The following RBMS3 variants were observed in gnomAD, a reference collection of about 807,000 sequenced individuals.
RBMS3 encodes RNA binding motif single stranded interacting protein 3.
RBMS3 carries 27 observed loss-of-function variants against 66.8 expected under a neutral mutation model. The ratio of observed to expected loss-of-function variants is 0.40; its 90% CI spans 0.30 to 0.56. The LOEUF (loss-of-function observed/expected upper bound fraction) is 0.56, where lower values mean the gene tolerates loss of function less well. RBMS3 is among the 20% of genes least tolerant of loss of function. The pLI, the probability that RBMS3 is intolerant of heterozygous loss-of-function variation, is 0.40. For synonymous variants in RBMS3, 188 were observed against 183.0 expected (o/e 1.03, Z -0.22); for missense variants, 513 against 549.5 (o/e 0.93, Z 0.66).
intron 4 of RBMS3, among the ~76,000 whole-genome samples, chr3:29,612,130 A>T (rs575572374): frequency 1.4e-4 from 21 of 152,192 alleles, no homozygotes; most frequent in South Asian, 2.1e-4. Context: ...ACTTTACTGA[A>T]GAAGTATTCG....
chr3:29,510,058 T>C (rs1024653052), intron 3 of RBMS3, among the ~76,000 whole-genome samples: 6 of 152,230 alleles, frequency 3.9e-5, no homozygotes, highest in African/African-American at 1.4e-4. Context: ...ATCACAGAGA[T>C]GGAATAAGCA....
intron 4 of RBMS3, among the ~76,000 whole-genome samples, chr3:29,696,408 C>T (rs9845533): frequency 0.011 from 1,609 of 150,482 alleles, 18 homozygotes; most frequent in Middle Eastern, 0.034. Flanking sequence ...TAATTAAAAA[C>T]GATCATTTGT....
intron 4 of RBMS3, among the ~76,000 whole-genome samples, chr3:29,637,018 A>G (rs1275105270): frequency 2.0e-5 from 3 of 151,896 alleles, no homozygotes; most frequent in African/African-American, 7.2e-5. Context: ...TATTAGCAGC[A>G]TGGAAGCTCC....
chr3:29,905,788 G>T (rs1359269105), intron 10 of RBMS3, among the ~76,000 whole-genome samples: 1 of 152,068 alleles, frequency 6.6e-6, no homozygotes, highest in Non-Finnish European at 1.5e-5. Context: ...AATATTTTAA[G>T]AAAGATCGTG....
chr3:29,326,861 G>C (rs925813845), intron 1 of RBMS3, among the ~76,000 whole-genome samples: 1 of 151,720 alleles, frequency 6.6e-6, no homozygotes, highest in African/African-American at 2.4e-5. Context: ...CTCACAAGTA[G>C]CTGGGACTAC....
chr3:29,381,721 G>T (rs927468632), intron 1 of RBMS3, among the ~76,000 whole-genome samples: 14 of 152,162 alleles, frequency 9.2e-5, no homozygotes, highest in African/African-American at 2.4e-5. Flanking sequence ...AACTAGAGAG[G>T]TTTATTTTGT....
chr3:29,569,350 C>G (rs968459173), intron 3 of RBMS3, among the ~76,000 whole-genome samples: 1 of 151,740 alleles, frequency 6.6e-6, no homozygotes, highest in Non-Finnish European at 1.5e-5. Flanking sequence ...TAAAGGGACA[C>G]GAAAGAGCTG....
chr3:29,672,264 C>G (rs994380026), intron 4 of RBMS3, among the ~76,000 whole-genome samples: 1 of 152,172 alleles, frequency 6.6e-6, no homozygotes, highest in Non-Finnish European at 1.5e-5. Flanking sequence ...CCAGGCCTGC[C>G]TTACAAGAGC....
At chr3:29,429,472 C>G (rs1285934910) in intron 1 of RBMS3, among the ~76,000 whole-genome samples, 2 of 152,134 alleles carry the variant, frequency 1.3e-5, no homozygotes, top group Non-Finnish European at 2.9e-5. Context: ...AATGACTAAA[C>G]ATCTAAGAAA....
chr3:29,748,745 C>T (rs1036188678), intron 5 of RBMS3, among the ~76,000 whole-genome samples: 5 of 152,132 alleles, frequency 3.3e-5, no homozygotes, highest in African/African-American at 1.2e-4. Flanking sequence ...TCATTTCCCT[C>T]CATTTCATCA....
chr3:29,385,923 T>C (rs2038988610), intron 1 of RBMS3, among the ~76,000 whole-genome samples: 1 of 152,198 alleles, frequency 6.6e-6, no homozygotes, highest in African/African-American at 2.4e-5. Context: ...CTATGGCATC[T>C]ATTATTTTTT....
chr3:29,344,670 AC>A (rs1364573401), intron 1 of RBMS3, among the ~76,000 whole-genome samples: 1 of 152,026 alleles, frequency 6.6e-6, no homozygotes, highest in African/African-American at 2.4e-5. Context: ...GTATATATTT[AC>A]CAGTATTTGC....
chr3:29,840,646 G>A (rs1006080059), intron 6 of RBMS3, among the ~76,000 whole-genome samples: 1 of 151,950 alleles, frequency 6.6e-6, no homozygotes, highest in Non-Finnish European at 1.5e-5. Context: ...GATACCTGAA[G>A]GTCCTCAGAC....
chr3:29,876,445 G>A (rs1305434155), intron 7 of RBMS3, among the ~76,000 whole-genome samples: 1 of 152,022 alleles, frequency 6.6e-6, no homozygotes, highest in East Asian at 1.9e-4. Context: ...ATTTCTTTAG[G>A]TGAATTATTC....
At chr3:29,681,836 A>C (rs1053605176) in intron 4 of RBMS3, among the ~76,000 whole-genome samples, 11 of 152,158 alleles carry the variant, frequency 7.2e-5, no homozygotes, top group Admixed American at 2.0e-4. Flanking sequence ...TATCTTTATA[A>C]TAAAATGATT....
chr3:29,884,181 A>G lies in RBMS3; in HGVS notation c.764A>G (p.Tyr255Cys). The change falls in exon 8 of 15, where the codon TAT becomes TGT. Residue 255 changes from tyrosine (Y) to cysteine (C), a missense_variant. By Grantham distance (194) the Tyr-to-Cys change is radical. Coordinates refer to ENST00000383767, the MANE Select transcript of RBMS3 (RefSeq NM_001003793.3). ...REGEAGMALTYDPTAAIQNGF... is the reference protein window; with the variant it reads ...REGEAGMALTCDPTAAIQNGF... ...ATACAGGCTGGCATGGCTTTGACCTATGACCCCACAGCTGCCATACAGAAT... is the reference window on the plus strand; with the variant it reads ...ATACAGGCTGGCATGGCTTTGACCTGTGACCCCACAGCTGCCATACAGAAT... The G allele has an allele frequency of 3.7e-6, 6 of 1,611,998 alleles. No individual in the cohort carries two copies. The highest frequency in any genetic ancestry group is 5.1e-6 in the Non-Finnish European group (6 of 1,178,612).
chr3:29,790,609 G>GC (rs1209807060), intron 6 of RBMS3, among the ~76,000 whole-genome samples: 2 of 152,038 alleles, frequency 1.3e-5, no homozygotes, highest in East Asian at 3.9e-4. Context: ...AAATGACCCA[G>GC]CCAATACTCC....
rs180793825 is a variant in RBMS3, at chr3:29,530,480, G to A, written c.307+41981G>A. Among the ~76,000 whole-genome samples, 5 of 152,218 alleles carry A rather than the reference G, an allele frequency of 3.3e-5. No individual in the cohort carries two copies. The East Asian group carries it at 9.7e-4, about 29-fold the overall frequency. On this transcript the variant is annotated intron_variant, in intron 3 of 14. Coordinates refer to ENST00000383767, the MANE Select transcript of RBMS3 (RefSeq NM_001003793.3). ...TGACCCAGAAAATAATTTCCATAAA[G>A]TGAAATGAAAATGTTTTGATAGCAC...
chr3:29,894,259 C>A (rs2060071198), intron 8 of RBMS3, among the ~76,000 whole-genome samples: 1 of 151,536 alleles, frequency 6.6e-6, no homozygotes, highest in African/African-American at 2.4e-5. Context: ...CTCACTCTTG[C>A]CCAGGCTGGA....
Sources: allele counts gnomAD v4.1 joint callset (sites outside exome capture counted in the v4.1 genomes callset), GRCh38; gene constraint gnomAD v4.1.1; transcripts MANE v1.5; gene names NCBI Gene and HGNC (gene_info 2026-07-23, HGNC 2026-07-21).